Variants in PLA2G4B observed in about 807,000 individuals in gnomAD.
PLA2G4B encodes the protein phospholipase A2 group IVB, also known as cytosolic phospholipase A2 beta.
PLA2G4B carries 122 observed loss-of-function variants against 95.8 expected under a neutral mutation model. That is an observed-to-expected ratio of 1.27 (90% CI 1.10 to 1.48). The LOEUF (loss-of-function observed/expected upper bound fraction) is 1.48, where lower values mean the gene tolerates loss of function less well. Ranked by LOEUF, PLA2G4B falls within the 40% of genes most tolerant of loss-of-function variation. The probability of loss-of-function intolerance (pLI) is 0.00; values close to 1 mark genes in which losing one functional copy is unlikely to be tolerated. For missense variants in PLA2G4B, 1,158 were observed against 996.2 expected (o/e 1.16, Z -2.19); for synonymous variants, 518 against 421.5 (o/e 1.23, Z -2.80).
intron 18 of PLA2G4B, 130 bp downstream of exon 18, chr15:41,846,965 T>G (rs1290740071): frequency 3.9e-6 from 5 of 1,274,574 alleles, no homozygotes; most frequent in Non-Finnish European, 5.3e-6. Flanking sequence ...GAATCTTAAT[T>G]TGCCACCAGA....
chr15:41,840,639 C>T lies in PLA2G4B; in HGVS notation c.198C>T (p.Phe66=). ...SSPVWNQSFH[F]RIHRQLKNVM... is the part of the protein sequence containing the mutation. ...CTGTCTGGAACCAGAGCTTTCACTT[C>T]AGGATCCACAGGCAGCTCAAGGTGG... Residue 66 remains phenylalanine (F), a synonymous_variant, in exon 3 of 20, where the codon TTC becomes TTT. Coordinates refer to ENST00000458483, the MANE Select transcript of PLA2G4B (RefSeq NM_001114633.2). The T allele has an allele frequency of 6.2e-7, 1 of 1,613,774 alleles. No individual in the cohort carries two copies. Among genetic ancestry groups the T allele is most frequent in the Non-Finnish European group, 8.5e-7 (1 of 1,179,866 alleles).
Position 41,842,406 on chromosome 15 carries a change from G to A in PLA2G4B, c.705+130G>A, listed in dbSNP as rs1729049192. 3.2e-6 allele frequency: 5 copies of A among 1,544,366 alleles called. No homozygotes were observed. The African/African-American group carries it at 4.1e-5, about 13-fold the overall frequency. On this transcript the variant is annotated intron_variant, in intron 9 of 19. Transcript: ENST00000458483. ...CAGGTGCTGGGGCCAGGCTCTTTGGGGAGTGTCCTCTGAGCATCCCTGCTT... is the reference window on the plus strand; with the variant it reads ...CAGGTGCTGGGGCCAGGCTCTTTGGAGAGTGTCCTCTGAGCATCCCTGCTT...
chr15:41,843,081 C>CTTT (rs11415282), intron 10 of PLA2G4B: 16 of 131,224 alleles, frequency 1.2e-4, no homozygotes, highest in South Asian at 4.9e-4. Flanking sequence ...GCCCCCTGCC[C>CTTT]TTTTTTTTTT....
intron 1 of PLA2G4B, 30 bp downstream of exon 1, chr15:41,838,952 C>G (rs371543663): frequency 3.9e-6 from 6 of 1,548,728 alleles, no homozygotes; most frequent in South Asian, 2.3e-5. Flanking sequence ...TGGGTCCCTA[C>G]TGGGACCCCT....
intron 1 of PLA2G4B, 55 bp downstream of exon 1, chr15:41,838,977 G>C (rs2065375771): frequency 7.0e-7 from 1 of 1,438,532 alleles, no homozygotes; most frequent in African/African-American, 1.4e-5. Context: ...TCTACCTGGG[G>C]CCTAGTTAAT....
Position 41,847,785 on chromosome 15 carries a change from CT to C in PLA2G4B, c.2272del (p.Cys758AlafsTer33). 2.5e-6 allele frequency: 4 copies of C among 1,609,854 alleles called. No individual in the cohort carries two copies. The South Asian group carries it at 4.4e-5, about 18-fold the overall frequency. Reference sequence around the variant, plus strand: ...TGCTGCACCTGACACATTACAATGTCTGCAACAACCAGGAGCAGCTGCTGGA... The same window carrying C: ...TGCTGCACCTGACACATTACAATGTCGCAACAACCAGGAGCAGCTGCTGGA... ...KLLHLTHYNVCNNQEQLLEAL... is the reference protein window; with the variant it reads ...KLLHLTHYNVXNNQEQLLEAL... On this transcript the variant is annotated frameshift_variant, in exon 20 of 20. Coordinates refer to ENST00000458483, the MANE Select transcript of PLA2G4B (RefSeq NM_001114633.2). LOFTEE classifies it low-confidence loss of function (END_TRUNC).
At chr15:41,840,944 G>A in intron 4 of PLA2G4B, 39 bp downstream of exon 4, 2 of 1,602,602 alleles carry the variant, frequency 1.2e-6, no homozygotes, top group South Asian at 1.1e-5. Context: ...GCTGGTGTCT[G>A]GGTTGAAATC....
At chr15:41,841,479 G>C (rs776429572) in intron 6 of PLA2G4B, 38 bp from the exon 7 acceptor site, 1 of 1,613,838 alleles carries the variant, frequency 6.2e-7, no homozygotes, top group South Asian at 1.1e-5. Context: ...TGAATGGGGG[G>C]TGGGGTTAGT....
intron 14 of PLA2G4B, 31 bp from the exon 15 acceptor site, chr15:41,845,607 A>C (rs1567172091): frequency 6.2e-7 from 1 of 1,613,656 alleles, no homozygotes; most frequent in Non-Finnish European, 8.5e-7. Context: ...AGGGCTCTGC[A>C]CCATGAGGCT....
rs779186462 is a variant in PLA2G4B at position 41,845,115 on chromosome 15, A to G, written c.1239+45A>G. On this transcript the variant is annotated intron_variant, in intron 13 of 19. Transcript: ENST00000458483. The stretch of plus-strand genomic sequence containing the variant: ...GGGGCAGAGCCAGGGCAAGGGCTGG[A>G]GCTGGGGCTCGGTGCTGGACAGCAG... 4 of 1,602,138 alleles carry G rather than the reference A, an allele frequency of 2.5e-6. No individual in the cohort carries two copies. In the South Asian group the frequency reaches 4.4e-5, roughly 18 times the overall value.
In PLA2G4B at chr15:41,848,140, C is replaced by CA. The variant is rs771478976; in HGVS notation, c.*283dup. ...GCACTTGATACATCACAGACTCATA[C>CA]AAATGTGAGGCGCTGAGACCATCTG... is the stretch of plus-strand genomic sequence containing the variant. On this transcript the variant is annotated 3_prime_UTR_variant, in exon 20 of 20. Transcript: ENST00000458483. The CA allele has an allele frequency of 1.5e-4, 85 of 564,392 alleles. No homozygotes were observed. Among genetic ancestry groups the CA allele is most frequent in the Middle Eastern group, 9.7e-4 (2 of 2,066 alleles). 35.0% of individuals were successfully genotyped at this position (564,392 alleles called of 1,614,324 possible). A position where few individuals can be genotyped will look rare whatever the true frequency, so the allele number is the denominator to read the frequency against.
Position 41,846,832 on chromosome 15 carries a change from C to T in PLA2G4B, c.1944C>T (p.Phe648=). ...LSLDYNLHGA[F]QQLQLLGRFC... The stretch of plus-strand genomic sequence containing the variant: ...TGGACTACAACCTCCACGGAGCCTT[C>T]CAGGTTGGGAAGGGTGGGCAGCCCA... The change falls in exon 18 of 20, where the codon TTC becomes TTT. Residue 648 remains phenylalanine, a synonymous_variant. Coordinates refer to ENST00000458483, the MANE Select transcript of PLA2G4B (RefSeq NM_001114633.2). The T allele has an allele frequency of 6.2e-7, 1 of 1,609,124 alleles. No individual in the cohort carries two copies. Among genetic ancestry groups the T allele is most frequent in the Non-Finnish European group, 8.5e-7 (1 of 1,176,244 alleles).
Position 41,845,002 on chromosome 15 carries a change from C to T in PLA2G4B, c.1171C>T (p.Arg391Cys), listed in dbSNP as rs371105594. The T allele has an allele frequency of 9.9e-5, 159 of 1,606,758 alleles. No homozygotes were observed. The highest frequency in any genetic ancestry group is 5.7e-4 in the South Asian group (51 of 89,958). Residue 391 changes from arginine to cysteine, a missense_variant, in exon 13 of 20, where the codon CGC becomes TGC. Arg to Cys is a radical substitution (Grantham distance 180). Coordinates refer to ENST00000458483, the MANE Select transcript of PLA2G4B (RefSeq NM_001114633.2). ...CCGGCAGGAGCTGGCCGAGCGTGCC[C>T]GCTTGGGCTACCCAAGCTGCTTCAC... ...RYRQELAERA[R>C]LGYPSCFTNL...
intron 13 of PLA2G4B, 21 bp downstream of exon 13, chr15:41,845,091 G>A (rs1221526245): frequency 6.3e-7 from 1 of 1,595,992 alleles, no homozygotes; most frequent in Non-Finnish European, 8.6e-7. Context: ...TGCGGCCTGG[G>A]GGCAGAGCCA....
chr15:41,840,284 T>C (rs976886748), intron 2 of PLA2G4B, 54 bp downstream of exon 2: 16 of 1,586,066 alleles, frequency 1.0e-5, no homozygotes, highest in East Asian at 4.5e-5. Flanking sequence ...AGGAGGGTGC[T>C]GAGGAGGAGG....
rs2065496322 is a variant in PLA2G4B, at chr15:41,844,509, C to A, written c.918C>A (p.Ile306=). The A allele has an allele frequency of 4.3e-6, 7 of 1,614,174 alleles. No homozygotes were observed. Among genetic ancestry groups the A allele is most frequent in the Non-Finnish European group, 5.1e-6 (6 of 1,180,022 alleles). Residue 306 remains isoleucine (I), a synonymous_variant, in exon 12 of 20, where the codon ATC becomes ATA. Coordinates refer to ENST00000458483, the MANE Select transcript of PLA2G4B (RefSeq NM_001114633.2). ...CTATTATGGCCACTGGTGGTGGGAT[C>A]CGGGCAATGACTTCCCTGTATGGGC... The part of the protein sequence containing the change: ...VVAIMATGGG[I]RAMTSLYGQL...
Position 41,840,225 on chromosome 15 carries a change from A to G in PLA2G4B, c.77A>G (p.Asp26Gly). The stretch of plus-strand genomic sequence containing the variant: ...CAGGCCCATCGCCTACCCTCTAAGG[A>G]CCTAGGTGAGTGCGCACCGCCCTGG... ...VLQAHRLPSK[D>G]LVTPSDCYVT... The change falls in exon 2 of 20, where the codon GAC becomes GGC. Residue 26 changes from aspartate to glycine, a missense_variant. Asp to Gly is a moderately conservative substitution (Grantham distance 94). Coordinates refer to ENST00000458483, the MANE Select transcript of PLA2G4B (RefSeq NM_001114633.2). The G allele has an allele frequency of 6.2e-7, 1 of 1,612,858 alleles. No individual in the cohort carries two copies. The highest frequency in any genetic ancestry group is 8.5e-7 in the Non-Finnish European group (1 of 1,179,956).
chr15:41,842,191 A>C lies in PLA2G4B; in HGVS notation c.622-2A>C. 6.2e-7 allele frequency: 1 copy of C among 1,613,858 alleles called. No homozygotes were observed. Among genetic ancestry groups the C allele is most frequent in the East Asian group, 2.2e-5 (1 of 44,876 alleles). On this transcript the variant is annotated splice_acceptor_variant, in intron 8 of 19. Coordinates refer to ENST00000458483, the MANE Select transcript of PLA2G4B (RefSeq NM_001114633.2). LOFTEE classifies it high-confidence loss of function. ...TAGGTCTGCATTCTTTGTCCCCTGC[A>C]GGATGCCCCCGAGGAGCAACTAAAG...
Position 41,840,238 on chromosome 15 carries a change from C to T in PLA2G4B, c.82+8C>T, listed in dbSNP as rs555635500. ...TACCCTCTAAGGACCTAGGTGAGTG[C>T]GCACCGCCCTGGCCCCTGTGCTGGG... On this transcript the variant is annotated splice_region_variant and intron_variant, in intron 2 of 19. Coordinates refer to ENST00000458483, the MANE Select transcript of PLA2G4B (RefSeq NM_001114633.2). The T allele has an allele frequency of 7.4e-5, 120 of 1,612,540 alleles. 2 individuals are homozygous for T. In the Middle Eastern group the frequency reaches 1.5e-3, roughly 20 times the overall value.
Sources: allele counts gnomAD v4.1 joint callset, GRCh38; gene constraint gnomAD v4.1.1; transcripts MANE v1.5; gene names NCBI Gene and HGNC (gene_info 2026-07-23, HGNC 2026-07-21).